Variants in ABCA1 observed in about 807,000 individuals in gnomAD.
ABCA1 encodes ATP binding cassette subfamily A member 1.
Under a neutral mutation model 262.5 loss-of-function variants are expected in ABCA1, and 133 were observed. That is an observed-to-expected ratio of 0.51 (90% CI 0.44 to 0.59). The LOEUF (loss-of-function observed/expected upper bound fraction) is 0.59, where lower values mean the gene tolerates loss of function less well. ABCA1 is among the 20% of genes least tolerant of loss of function. The probability of loss-of-function intolerance (pLI) is 0.00; values close to 1 mark genes in which losing one functional copy is unlikely to be tolerated. For missense variants in ABCA1, 2,452 were observed against 2,777.5 expected, an observed-to-expected ratio of 0.88 and a Z score of 2.63; for synonymous variants, 1,022 against 1,043.5, an observed-to-expected ratio of 0.98 and a Z score of 0.40.
chr9:104,822,723 G>T (rs1317029867), intron 18 of ABCA1, 56 bp from the exon 19 acceptor site: 4 of 1,599,410 alleles, frequency 2.5e-6, no homozygotes, highest in Non-Finnish European at 2.6e-6. Flanking sequence ...GGAGTGGAGT[G>T]TAAGGACACA....
chr9:104,860,703 A>G (rs1274526446), intron 6 of ABCA1, among the ~76,000 whole-genome samples: 6 of 152,094 alleles, frequency 3.9e-5, no homozygotes, highest in Non-Finnish European at 8.8e-5. Context: ...CTATGATTCT[A>G]AAGTTAAAAT....
chr9:104,824,313 G>C, intron 18 of ABCA1, 152 bp downstream of exon 18: 1 of 1,465,290 alleles, frequency 6.8e-7, no homozygotes, highest in Non-Finnish European at 9.2e-7. Flanking sequence ...AATGGCATGG[G>C]AGGATTTGGA....
intron 19 of ABCA1, among the ~76,000 whole-genome samples, 192 bp downstream of exon 19, chr9:104,822,304 G>A (rs532207513): frequency 6.6e-6 from 1 of 152,336 alleles, no homozygotes; most frequent in East Asian, 1.9e-4. Context: ...GTTTTAGGCT[G>A]AAGAAATAAC....
rs148160159 is a variant in ABCA1 at position 104,863,253 on chromosome 9, G to A, written c.422-1453C>T. Among the ~76,000 whole-genome samples the A allele has an allele frequency of 7.8e-3, 1,190 of 152,272 alleles. 21 individuals carry two copies. The highest frequency in any genetic ancestry group is 0.027 in the African/African-American group (1,127 of 41,546). On this transcript the variant is annotated intron_variant, in intron 5 of 49. Coordinates refer to ENST00000374736, the MANE Select transcript of ABCA1 (RefSeq NM_005502.4). ...ACCAGATGCTTGGTAGGAGCCCTAT[G>A]ACTCCGAAACAGTATAGTTTTCCCT...
intron 41 of ABCA1, 96 bp downstream of exon 41, chr9:104,793,075 T>C: frequency 6.3e-7 from 1 of 1,591,614 alleles, no homozygotes; most frequent in Non-Finnish European, 8.6e-7. Context: ...ATATTTTGAG[T>C]TCAGTTCAAT....
Position 104,829,009 on chromosome 9 carries a change from C to G in ABCA1, c.2022G>C (p.Met674Ile). The stretch of plus-strand genomic sequence containing the variant: ...ACCAGAGGATGCTGTTGTCCAGGCC[C>G]ATGATCCGCATGGTCTCTTTCAGCC... The part of the protein sequence containing the change: ...EARLKETMRI[M>I]GLDNSILWFS... The change falls in exon 15 of 50, where the codon ATG becomes ATC. Residue 674 changes from methionine (M) to isoleucine (I), a missense_variant. This residue lies in a region of ABCA1 where 1,032 missense variants were observed against 1,089.7 expected (regional missense o/e 0.95). Coordinates refer to ENST00000374736, the MANE Select transcript of ABCA1 (RefSeq NM_005502.4). 1.2e-6 allele frequency: 2 copies of G among 1,614,184 alleles called. No individual in the cohort carries two copies. The highest frequency in any genetic ancestry group is 3.3e-4 in the Middle Eastern group (2 of 6,062).
intron 2 of ABCA1, among the ~76,000 whole-genome samples, chr9:104,898,711 T>C (rs1033225818): frequency 5.3e-5 from 8 of 152,166 alleles, no homozygotes; most frequent in Non-Finnish European, 1.2e-4. Context: ...CTGGCTTTCT[T>C]CTGTTCCCTG....
chr9:104,910,029 T>C (rs1391614987), intron 1 of ABCA1, among the ~76,000 whole-genome samples: 1 of 152,216 alleles, frequency 6.6e-6, no homozygotes, highest in Non-Finnish European at 1.5e-5. Context: ...GGCTGGTCTT[T>C]TTCCTTCCCG....
chr9:104,785,372 T>C (rs1353796956), intron 49 of ABCA1, 24 bp downstream of exon 49: 1 of 1,613,512 alleles, frequency 6.2e-7, no homozygotes, highest in Non-Finnish European at 8.5e-7. Flanking sequence ...GAGAAGTAAA[T>C]CTGTTTTGAC....
chr9:104,889,545 ACTC>A (rs1331177877), intron 2 of ABCA1: 5 of 178,746 alleles, frequency 2.8e-5, no homozygotes, highest in African/African-American at 1.2e-4. Context: ...ACCCAGGCAC[ACTC>A]CTCCTGTAGC....
At chr9:104,888,714 G>T (rs2118325649) in intron 3 of ABCA1, among the ~76,000 whole-genome samples, 1 of 152,304 alleles carries the variant, frequency 6.6e-6, no homozygotes, top group Admixed American at 6.5e-5. Flanking sequence ...CACAAATGCT[G>T]CTTAAAATTC....
chr9:104,831,176 CA>C, intron 13 of ABCA1, 75 bp from the exon 14 acceptor site: 1 of 1,241,284 alleles, frequency 8.1e-7, no homozygotes, highest in Non-Finnish European at 1.1e-6. Context: ...AAAAATTGCC[CA>C]AAACCCTACT....
In ABCA1 at chr9:104,796,214, A is replaced by T. The variant is rs767372471; in HGVS notation, c.5238-17T>A. On this transcript the variant is annotated splice_polypyrimidine_tract_variant and intron_variant, in intron 38 of 49. Transcript: ENST00000374736. ...ATTGACCACCTGTTGAGACACAAAA[A>T]GATAAGTGTCTACTGAGAGTCCCTG... 1.2e-6 allele frequency: 2 copies of T among 1,614,062 alleles called. No homozygotes were observed. The highest frequency in any genetic ancestry group is 1.7e-5 in the Admixed American group (1 of 60,004).
chr9:104,916,765 A>G (rs1023026618), intron 1 of ABCA1, among the ~76,000 whole-genome samples: 22 of 152,148 alleles, frequency 1.4e-4, no homozygotes, highest in Non-Finnish European at 1.5e-5. Flanking sequence ...CTGCAACTTC[A>G]GCCTCCTGGG....
chr9:104,827,210 T>A, intron 15 of ABCA1, 41 bp from the exon 16 acceptor site: 1 of 1,514,374 alleles, frequency 6.6e-7, no homozygotes, highest in Non-Finnish European at 9.2e-7. Context: ...GCCTCAACAA[T>A]CCCAAGCACT....
chr9:104,793,086 G>A, intron 41 of ABCA1, 85 bp downstream of exon 41: 2 of 1,596,638 alleles, frequency 1.3e-6, no homozygotes, highest in Non-Finnish European at 8.6e-7. Context: ...TCAGTTCAAT[G>A]CAACCCCCAT....
At chr9:104,840,109 G>A (rs1834231827) in intron 9 of ABCA1, among the ~76,000 whole-genome samples, 170 bp downstream of exon 9, 1 of 152,228 alleles carries the variant, frequency 6.6e-6, no homozygotes, top group Non-Finnish European at 1.5e-5. Context: ...ACTGGGGACA[G>A]GTAGCTATTC....
chr9:104,849,957 T>C (rs1835229489), intron 7 of ABCA1, among the ~76,000 whole-genome samples: 1 of 152,196 alleles, frequency 6.6e-6, no homozygotes, highest in Non-Finnish European at 1.5e-5. Context: ...TAAGTATACA[T>C]GATATAGAGG....
At chr9:104,854,449 T>G (rs1047302503) in intron 7 of ABCA1, among the ~76,000 whole-genome samples, 1 of 150,758 alleles carries the variant, frequency 6.6e-6, no homozygotes, top group Non-Finnish European at 1.5e-5. Context: ...TGACTTGTTA[T>G]AGTAGCAATA....
Sources: allele counts gnomAD v4.1 joint callset (sites outside exome capture counted in the v4.1 genomes callset), GRCh38; gene constraint gnomAD v4.1.1; regional missense constraint gnomAD v4.1.1; transcripts MANE v1.5; gene names NCBI Gene and HGNC (gene_info 2026-07-23, HGNC 2026-07-21).